RORA: variants seen among roughly 807,000 people sequenced by gnomAD.
RORA encodes the protein RAR related orphan receptor A.
A neutral mutation model predicts 69.5 loss-of-function variants in RORA; 7 were observed. The ratio of observed to expected loss-of-function variants is 0.10; its 90% confidence interval spans 0.06 to 0.19. The LOEUF (loss-of-function observed/expected upper bound fraction) is 0.19. Among genes scored for constraint, RORA ranks in the 10% least tolerant of loss-of-function variants. The pLI is 1.00. For synonymous variants in RORA, 261 were observed against 240.8 expected (o/e 1.08, Z -0.78); for missense variants, 457 against 663.0 (o/e 0.69, Z 3.41).
intron 1 of RORA, among the ~76,000 whole-genome samples, chr15:60,955,998 T>C (rs1243110291): frequency 6.6e-6 from 1 of 152,212 alleles, no homozygotes; most frequent in Non-Finnish European, 1.5e-5. Context: ...AACATTGTAA[T>C]CGCTGGCACA....
At chr15:61,127,942 G>T (rs2079157345) in intron 1 of RORA, among the ~76,000 whole-genome samples, 1 of 152,236 alleles carries the variant, frequency 6.6e-6, no homozygotes, top group Non-Finnish European at 1.5e-5. Context: ...AGACTATGAG[G>T]CCACACTGTA....
At chr15:61,158,664 G>A (rs1249066067) in intron 1 of RORA, among the ~76,000 whole-genome samples, 3 of 152,114 alleles carry the variant, frequency 2.0e-5, no homozygotes, top group East Asian at 1.9e-4. Flanking sequence ...CCCTCAGTTC[G>A]CAGATGTGGT....
intron 1 of RORA, among the ~76,000 whole-genome samples, chr15:61,134,842 C>T (rs2079221702): frequency 6.6e-6 from 1 of 152,084 alleles, no homozygotes; most frequent in Non-Finnish European, 1.5e-5. Context: ...CAGTGGGTCA[C>T]TCACTCACTC....
At chr15:60,629,927 C>T (rs765987991) in intron 2 of RORA, among the ~76,000 whole-genome samples, 36 of 152,170 alleles carry the variant, frequency 2.4e-4, no homozygotes, top group African/African-American at 8.2e-4. Flanking sequence ...TGTTGGCAGG[C>T]AAGGGTGGAA....
At chr15:61,191,147 C>A (rs2079796097) in intron 1 of RORA, among the ~76,000 whole-genome samples, 1 of 152,108 alleles carries the variant, frequency 6.6e-6, no homozygotes, top group South Asian at 2.1e-4. Context: ...TCCACCGTTA[C>A]GGATTTGGGC....
At chr15:60,688,472 T>C (rs2070778220) in intron 1 of RORA, among the ~76,000 whole-genome samples, 1 of 152,124 alleles carries the variant, frequency 6.6e-6, no homozygotes, top group Non-Finnish European at 1.5e-5. Flanking sequence ...TAAAATGAAA[T>C]AAAGCAAGGC....
At chr15:60,694,230 C>A (rs2070870108) in intron 1 of RORA, among the ~76,000 whole-genome samples, 3 of 152,162 alleles carry the variant, frequency 2.0e-5, no homozygotes, top group Non-Finnish European at 4.4e-5. Context: ...TAAGGCAGAG[C>A]TGGGCCAGAG....
chr15:61,111,743 A>T (rs1469233184), intron 1 of RORA, among the ~76,000 whole-genome samples: 2 of 152,208 alleles, frequency 1.3e-5, no homozygotes, highest in Non-Finnish European at 2.9e-5. Context: ...AAGGAAAAAG[A>T]ATTGGTCTTA....
In RORA at chr15:60,582,002, C is replaced by T. The variant is rs925296060; in HGVS notation, c.197-50151G>A. ...GGTAAAGAATAAAATTACTGTGGTA[C>T]GCAATGGTTAAGGCTACTCCATGGT... On this transcript the variant is annotated intron_variant, in intron 2 of 10. Transcript: ENST00000335670. Among the ~76,000 whole-genome samples the T allele has an allele frequency of 2.6e-5, 4 of 152,128 alleles. No homozygotes were observed. The South Asian group carries it at 6.2e-4, about 24-fold the overall frequency.
chr15:61,083,132 G>A (rs553388064), intron 1 of RORA, among the ~76,000 whole-genome samples: 23 of 152,294 alleles, frequency 1.5e-4, no homozygotes, highest in Non-Finnish European at 2.4e-4. Flanking sequence ...CAAGGGCTGC[G>A]CCTGACTGTT....
chr15:60,736,062 G>A (rs1231138003), intron 1 of RORA, among the ~76,000 whole-genome samples: 1 of 152,174 alleles, frequency 6.6e-6, no homozygotes, highest in East Asian at 1.9e-4. Flanking sequence ...GGATCAAGCA[G>A]ATGCCTTCAG....
At chr15:60,695,200 C>T (rs1023882005) in intron 1 of RORA, among the ~76,000 whole-genome samples, 3 of 152,122 alleles carry the variant, frequency 2.0e-5, no homozygotes, top group Non-Finnish European at 4.4e-5. Flanking sequence ...TTGCATCAGC[C>T]CCACCCACGT....
chr15:61,190,179 GAA>G (rs3053993), intron 1 of RORA, among the ~76,000 whole-genome samples: 144,538 of 151,622 alleles, frequency 0.95, 69,123 homozygotes, highest in Non-Finnish European at 1. Context: ...ATTTGGTCCA[GAA>G]AAAAAAAAAA....
At chr15:61,144,338 C>T (rs2079326694) in intron 1 of RORA, among the ~76,000 whole-genome samples, 2 of 152,200 alleles carry the variant, frequency 1.3e-5, no homozygotes, top group African/African-American at 4.8e-5. Context: ...AGGAGCTGAG[C>T]CTTTTAGTTT....
chr15:60,629,282 G>C (rs2069677299), intron 2 of RORA, among the ~76,000 whole-genome samples: 1 of 141,660 alleles, frequency 7.1e-6, no homozygotes, highest in South Asian at 2.2e-4. Context: ...CGCCTCCTGG[G>C]TTCAAGCGAT....
intron 1 of RORA, among the ~76,000 whole-genome samples, chr15:61,135,689 G>T (rs771244936): frequency 1.3e-5 from 2 of 152,064 alleles, no homozygotes; most frequent in Non-Finnish European, 2.9e-5. Flanking sequence ...CGGGTACCAG[G>T]GAAGCAGAGA....
intron 1 of RORA, among the ~76,000 whole-genome samples, chr15:60,919,462 T>C (rs1891976235): frequency 6.6e-6 from 1 of 152,028 alleles, no homozygotes; most frequent in Admixed American, 6.6e-5. Flanking sequence ...GAGGGAGGAG[T>C]TGTTGATGCC....
At chr15:60,993,994 C>T (rs1894458649) in intron 1 of RORA, among the ~76,000 whole-genome samples, 1 of 152,124 alleles carries the variant, frequency 6.6e-6, no homozygotes, top group African/African-American at 2.4e-5. Context: ...GGGCAAAAAA[C>T]ATGTGTTACC....
intron 3 of RORA, 141 bp from the exon 4 acceptor site, chr15:60,514,898 A>G: frequency 1.6e-6 from 1 of 622,096 alleles, no homozygotes; most frequent in Non-Finnish European, 2.7e-6. Context: ...GAGACCATTA[A>G]TGAAATTAAA....
Sources: allele counts gnomAD v4.1 joint callset (sites outside exome capture counted in the v4.1 genomes callset), GRCh38; gene constraint gnomAD v4.1.1; transcripts MANE v1.5; gene names NCBI Gene and HGNC (gene_info 2026-07-23, HGNC 2026-07-21).